GPR141: variants seen among roughly 807,000 people sequenced by gnomAD.
The protein encoded by GPR141 is probable G protein-coupled receptor 141.
A neutral mutation model predicts 6.8 loss-of-function variants in GPR141; 6 were observed. The observed-to-expected ratio is 0.88, with a 90% confidence interval of 0.48 to 1.74. The LOEUF is 1.74. GPR141 is among the 40% of genes most tolerant of loss of function. GPR141 has a pLI of 0.01. For synonymous variants in GPR141, 140 were observed against 142.3 expected, an observed-to-expected ratio of 0.98 and a Z score of 0.11; for missense variants, 372 against 372.9, an observed-to-expected ratio of 1.00 and a Z score of 0.02.
intron 2 of GPR141, among the ~76,000 whole-genome samples, chr7:37,715,740 C>T (rs1050808287): frequency 6.6e-6 from 1 of 152,150 alleles, no homozygotes; most frequent in Non-Finnish European, 1.5e-5. Context: ...CCCTAGAAGA[C>T]TGTGGCCAGC....
At chr7:37,698,944 C>G (rs1403885329) in intron 2 of GPR141, among the ~76,000 whole-genome samples, 3 of 152,186 alleles carry the variant, frequency 2.0e-5, no homozygotes, top group Admixed American at 2.0e-4. Context: ...TCACAAGTAT[C>G]TTATCTACAT....
In GPR141 at chr7:37,697,033, T is replaced by C. The variant is rs145631381; in HGVS notation, c.-15+11450T>C. Among the ~76,000 whole-genome samples, 19 of 152,308 alleles carry C rather than the reference T, an allele frequency of 1.2e-4. No individual in the cohort carries two copies. The East Asian group carries it at 3.7e-3, about 29-fold the overall frequency. ...GATTCAAAGATATTTTTATAACCCA[T>C]GCATTCCAGGAGACTATAATTAGTT... On this transcript the variant is annotated intron_variant, in intron 2 of 2. Transcript: ENST00000334425.
chr7:37,732,136 CT>C (rs1645461335), intron 2 of GPR141, among the ~76,000 whole-genome samples: 3 of 135,240 alleles, frequency 2.2e-5, no homozygotes, highest in Admixed American at 7.4e-5. Context: ...CCTTTTCTTT[CT>C]CTCTCTCTTT....
intron 2 of GPR141, among the ~76,000 whole-genome samples, chr7:37,716,496 G>A (rs1434003524): frequency 1.3e-5 from 2 of 152,112 alleles, no homozygotes; most frequent in Non-Finnish European, 2.9e-5. Flanking sequence ...ACTTGTTAGG[G>A]AATAAGATAG....
chr7:37,713,006 A>T (rs1810880848), intron 2 of GPR141, among the ~76,000 whole-genome samples: 1 of 152,216 alleles, frequency 6.6e-6, no homozygotes, highest in African/African-American at 2.4e-5. Context: ...TGATAGAGGC[A>T]TAGGGGAATG....
chr7:37,732,377 C>T (rs1307662554), intron 2 of GPR141, among the ~76,000 whole-genome samples: 3 of 151,932 alleles, frequency 2.0e-5, no homozygotes, highest in South Asian at 2.1e-4. Flanking sequence ...CGAGAGTCTG[C>T]CCCCAGCAGG....
rs888312397 is a variant in GPR141, at chr7:37,741,820, G to T, written c.*509G>T. Among the ~76,000 whole-genome samples the T allele has an allele frequency of 6.6e-6, 1 of 152,108 alleles. No individual in the cohort carries two copies. The highest frequency in any genetic ancestry group is 2.4e-5 in the African/African-American group (1 of 41,420). ...CCTGATAAAAACTGATAAGGGGAGA[G>T]AATAGTTAAAAATTTTTCTAGGGTA... On this transcript the variant is annotated 3_prime_UTR_variant, in exon 3 of 3. Transcript: ENST00000334425.
At chr7:37,709,183 A>G (rs557357015) in intron 2 of GPR141, among the ~76,000 whole-genome samples, 2 of 152,344 alleles carry the variant, frequency 1.3e-5, no homozygotes, top group African/African-American at 4.8e-5. Context: ...ACAGAAAGAA[A>G]TAAAAATTAT....
chr7:37,740,600 G>A lies in GPR141; in HGVS notation c.207G>A (p.Val69=), dbSNP rs768292470. ...TCCACAGCGTTTTTCTGCTGACAGT[G>A]CCATTTCGCTTGACCTACCTCATCA... ...VVVHSVFLLT[V]PFRLTYLIKK... Residue 69 remains valine, a synonymous_variant, in exon 3 of 3, where the codon GTG becomes GTA. Coordinates refer to ENST00000334425, the MANE Select transcript of GPR141 (RefSeq NM_001381946.1). The A allele has an allele frequency of 1.2e-6, 2 of 1,614,098 alleles. No individual in the cohort carries two copies. Among genetic ancestry groups the A allele is most frequent in the Non-Finnish European group, 8.5e-7 (1 of 1,179,982 alleles).
chr7:37,728,945 G>A (rs575726975), intron 2 of GPR141, among the ~76,000 whole-genome samples: 5 of 152,288 alleles, frequency 3.3e-5, no homozygotes, highest in Non-Finnish European at 7.3e-5. Flanking sequence ...AAAAAGAGAA[G>A]TGAAATCATT....
At chr7:37,699,943 G>A (rs1410160346) in intron 2 of GPR141, among the ~76,000 whole-genome samples, 1 of 152,188 alleles carries the variant, frequency 6.6e-6, no homozygotes, top group Non-Finnish European at 1.5e-5. Context: ...AGGCCAAAGT[G>A]GTTATTGAAT....
intron 2 of GPR141, among the ~76,000 whole-genome samples, chr7:37,724,404 A>C (rs1051009859): frequency 6.6e-6 from 1 of 152,226 alleles, no homozygotes; most frequent in African/African-American, 2.4e-5. Flanking sequence ...TTCGAATATG[A>C]ACAAAGCAGG....
intron 2 of GPR141, among the ~76,000 whole-genome samples, chr7:37,693,258 G>T (rs777707854): frequency 6.6e-6 from 1 of 152,128 alleles, no homozygotes; most frequent in Non-Finnish European, 1.5e-5. Context: ...ATTAAATAGG[G>T]AATCCTTTCC....
Position 37,741,517 on chromosome 7 carries a change from G to A in GPR141, c.*206G>A, listed in dbSNP as rs1812563688. 2.0e-6 allele frequency: 1 copy of A among 503,650 alleles called. No homozygotes were observed. The highest frequency in any genetic ancestry group is 3.5e-6 in the Non-Finnish European group (1 of 287,760). The allele number at this position is 503,650 out of a possible 1,614,324, so 31.2% of individuals were successfully genotyped here. A position where few individuals can be genotyped will look rare whatever the true frequency, so the allele number is the denominator to read the frequency against. ...TGATGGCCGTACAAAGACCAGTGTTGTTGAATCCACCTGGAGTTGCAATAT... is the reference window on the plus strand; with the variant it reads ...TGATGGCCGTACAAAGACCAGTGTTATTGAATCCACCTGGAGTTGCAATAT... On this transcript the variant is annotated 3_prime_UTR_variant, in exon 3 of 3. Transcript: ENST00000334425.
chr7:37,696,814 T>C (rs1270069755), intron 2 of GPR141, among the ~76,000 whole-genome samples: 2 of 152,154 alleles, frequency 1.3e-5, no homozygotes, highest in Non-Finnish European at 2.9e-5. Context: ...GTCACATTAA[T>C]TTGATGCCTA....
intron 2 of GPR141, among the ~76,000 whole-genome samples, chr7:37,696,050 T>C (rs544028360): frequency 6.6e-6 from 1 of 152,386 alleles, no homozygotes; most frequent in South Asian, 2.1e-4. Context: ...CAGCCACCTC[T>C]GGTTTGGAAG....
chr7:37,715,556 T>C (rs577427615), intron 2 of GPR141, among the ~76,000 whole-genome samples: 89 of 152,344 alleles, frequency 5.8e-4, no homozygotes, highest in African/African-American at 2.1e-3. Context: ...CTTTACTTAG[T>C]TTATCGCAAT....
rs1386099327 is a variant in GPR141 at position 37,740,890 on chromosome 7, G to T, written c.497G>T (p.Cys166Phe). Residue 166 changes from cysteine (C) to phenylalanine (F), a missense_variant, in exon 3 of 3, where the codon TGT (cysteine) becomes TTT (phenylalanine). Transcript: ENST00000334425. ...CATGAGGAATACAATGAGGAGCACT[G>T]TTTTAAATTTCACAAAGAGCTTGCT... is the stretch of plus-strand genomic sequence containing the variant. The part of the protein sequence containing the change: ...GIHEEYNEEH[C>F]FKFHKELAYT... 6.2e-7 allele frequency: 1 copy of T among 1,614,112 alleles called. No individual in the cohort carries two copies. The highest frequency in any genetic ancestry group is 1.3e-5 in the African/African-American group (1 of 75,054).
At chr7:37,703,333 G>A (rs1024484517) in intron 2 of GPR141, among the ~76,000 whole-genome samples, 73 of 152,148 alleles carry the variant, frequency 4.8e-4, no homozygotes, top group Middle Eastern at 3.4e-3. Context: ...GTTTCACTAT[G>A]CTGTGTCTAG....
Sources: gnomAD v4.1 joint callset for allele counts (sites outside exome capture counted in the v4.1 genomes callset) on GRCh38, gnomAD v4.1.1 for gene constraint, MANE v1.5 for transcripts, NCBI Gene and HGNC (gene_info 2026-07-23, HGNC 2026-07-21) for gene names.